XIAP: variants seen among roughly 807,000 people sequenced by gnomAD.
The protein encoded by XIAP is E3 ubiquitin-protein ligase XIAP.
A neutral mutation model predicts 33.1 loss-of-function variants in XIAP; 3 were observed. That is an observed-to-expected ratio of 0.09 (90% CI 0.04 to 0.23). The LOEUF (loss-of-function observed/expected upper bound fraction) is 0.23. Ranked by LOEUF, XIAP falls within the 10% of genes least tolerant of loss-of-function variation. XIAP has a pLI of 1.00. For synonymous variants in XIAP, 98 were observed against 121.3 expected (o/e 0.81, Z 1.26); for missense variants, 264 against 363.0 (o/e 0.73, Z 2.22).
At chrX:123,890,481 T>G in intron 3 of XIAP, among the ~76,000 whole-genome samples, 1 of 103,591 alleles carries the variant, frequency 9.7e-6, no homozygotes, top group Non-Finnish European at 2.0e-5. Context: ...AAAAAAAAAA[T>G]TAGCCAGTCA....
Position 123,911,040 on chromosome X carries a change from C to CT in XIAP, c.*3860dup, listed in dbSNP as rs1444542606. ...GGAGACCATGTATGTAAAGTTCCTG[C>CT]TGTAAATATGAACTCCCATCCTAAT... On this transcript the variant is annotated 3_prime_UTR_variant, in exon 7 of 7. Transcript: ENST00000371199. The CT allele has an allele frequency of 6.1e-6, 2 of 326,664 alleles. No individual in the cohort carries two copies. The highest frequency in any genetic ancestry group is 1.2e-5 in the Non-Finnish European group (2 of 169,541). 26.9% of individuals were successfully genotyped at this position (326,664 alleles called of 1,213,427 possible). A position where few individuals can be genotyped will look rare whatever the true frequency, so the allele number is the denominator to read the frequency against.
chrX:123,895,159 C>A (rs1251265147), intron 5 of XIAP, among the ~76,000 whole-genome samples: 3 of 111,069 alleles, frequency 2.7e-5, no homozygotes, highest in African/African-American at 9.8e-5. Flanking sequence ...ACCCCTAGGC[C>A]AGGGCAACCA....
Position 123,909,031 on chromosome X carries a change from T to TA in XIAP, c.*1851dup. 3.4e-6 allele frequency: 1 copy of TA among 295,614 alleles called. No individual in the cohort carries two copies. Among genetic ancestry groups the TA allele is most frequent in the Non-Finnish European group, 6.3e-6 (1 of 158,880 alleles). 24.4% of individuals were successfully genotyped at this position (295,614 alleles called of 1,213,427 possible). A position where few individuals can be genotyped will look rare whatever the true frequency, so the allele number is the denominator to read the frequency against. On this transcript the variant is annotated 3_prime_UTR_variant, in exon 7 of 7. Coordinates refer to ENST00000371199, the MANE Select transcript of XIAP (RefSeq NM_001167.4). ...TAAAACATTGCAAATTTATTTTATTTATTTAATTTTCTTTTTGAGATGGAG... is the reference window on the plus strand; with the variant it reads ...TAAAACATTGCAAATTTATTTTATTTAATTTAATTTTCTTTTTGAGATGGAG...
intron 1 of XIAP, among the ~76,000 whole-genome samples, chrX:123,877,963 G>A (rs1245681736): frequency 3.3e-5 from 3 of 91,977 alleles, no homozygotes; most frequent in African/African-American, 1.3e-4. Context: ...GCGAGACTCC[G>A]TCTCAAAGAA....
At chrX:123,894,270 A>C (rs1336931804) in intron 5 of XIAP, among the ~76,000 whole-genome samples, 1 of 112,595 alleles carries the variant, frequency 8.9e-6, no homozygotes. Flanking sequence ...AGAAAGAGTC[A>C]GAGAGGTTAA....
chrX:123,871,655 T>G (rs5956580), intron 1 of XIAP, among the ~76,000 whole-genome samples: 41,987 of 108,548 alleles, frequency 0.39, 6,218 homozygotes, highest in African/African-American at 0.49. Context: ...TTTTTTGGGG[T>G]TTTTTTTGTT....
At chrX:123,874,306 G>A (rs1489141538) in intron 1 of XIAP, among the ~76,000 whole-genome samples, 3 of 111,825 alleles carry the variant, frequency 2.7e-5, no homozygotes, top group Admixed American at 9.6e-5. Flanking sequence ...TAAGAAAAGC[G>A]CAAAGAAAAT....
rs397713705 is a variant in XIAP, at chrX:123,911,477, C to CAAAA, written c.*4306_*4309dup. ...GGGCAACAAGAGCAAAACTCTGTCT[C>CAAAA]AAAAAAAAAAAAAGATATAAATCAC... On this transcript the variant is annotated 3_prime_UTR_variant, in exon 7 of 7. Transcript: ENST00000371199. 725 of 258,382 alleles carry CAAAA rather than the reference C, an allele frequency of 2.8e-3. No individual in the cohort carries two copies. The highest frequency in any genetic ancestry group is 5.9e-3 in the East Asian group (51 of 8,712). The allele number at this position is 258,382 out of a possible 1,213,427, so 21.3% of individuals were successfully genotyped here.
intron 5 of XIAP, among the ~76,000 whole-genome samples, chrX:123,898,601 G>A (rs963038279): frequency 4.6e-5 from 5 of 108,978 alleles, no homozygotes; most frequent in South Asian, 3.9e-4. Context: ...CGATCTGCCC[G>A]TCTTAGCCTC....
intron 1 of XIAP, among the ~76,000 whole-genome samples, chrX:123,872,313 AGTCCTTTTTTTTTTTTC>A (rs745589528): frequency 3.0e-3 from 326 of 108,238 alleles, no homozygotes; most frequent in African/African-American, 0.01. Context: ...TTCCACAAGA[AGTCCTTTTTTTTTTTTC>A]GTCCTTTTTT....
chrX:123,901,443 C>T (rs992440101), intron 6 of XIAP, among the ~76,000 whole-genome samples: 5 of 111,509 alleles, frequency 4.5e-5, no homozygotes, highest in African/African-American at 9.8e-5. Flanking sequence ...CCAACAACAT[C>T]GAAGGTTAAA....
chrX:123,910,151 T>C lies in XIAP; in HGVS notation c.*2970T>C, dbSNP rs753143693. Reference sequence around the variant, plus strand: ...TGATCAAAAGCATTGTCTTAATTTTTGAGAACTGGTTTTAGCATTTACAAA... The same window carrying C: ...TGATCAAAAGCATTGTCTTAATTTTCGAGAACTGGTTTTAGCATTTACAAA... On this transcript the variant is annotated 3_prime_UTR_variant, in exon 7 of 7. Transcript: ENST00000371199. The C allele has an allele frequency of 3.1e-6, 1 of 325,547 alleles. No homozygotes were observed. The highest frequency in any genetic ancestry group is 2.7e-5 in the African/African-American group (1 of 37,640). The allele number at this position is 325,547 out of a possible 1,213,427, so 26.8% of individuals were successfully genotyped here. A position where few individuals can be genotyped will look rare whatever the true frequency, so the allele number is the denominator to read the frequency against.
chrX:123,889,618 A>G (rs1440892290), intron 3 of XIAP, among the ~76,000 whole-genome samples: 1 of 107,694 alleles, frequency 9.3e-6, no homozygotes, highest in African/African-American at 3.4e-5. Flanking sequence ...CCTGGGTTCA[A>G]GTGATTCTCC....
At chrX:123,900,208 G>A (rs1308158379) in intron 5 of XIAP, among the ~76,000 whole-genome samples, 1 of 111,654 alleles carries the variant, frequency 9.0e-6, no homozygotes, top group Non-Finnish European at 1.9e-5. Flanking sequence ...TCAGATTTTT[G>A]AAGCACTTAA....
intron 3 of XIAP, among the ~76,000 whole-genome samples, chrX:123,890,217 C>T (rs1387165037): frequency 2.9e-5 from 3 of 101,779 alleles, no homozygotes; most frequent in African/African-American, 7.1e-5. Flanking sequence ...GGGGTTTCAC[C>T]GTGTTAGCCA....
chrX:123,872,325 T>G (rs1313013258), intron 1 of XIAP, among the ~76,000 whole-genome samples: 1 of 108,935 alleles, frequency 9.2e-6, no homozygotes, highest in Non-Finnish European at 1.9e-5. Context: ...TCCTTTTTTT[T>G]TTTTCGTCCT....
chrX:123,899,302 T>TAC (rs1336117628), intron 5 of XIAP, among the ~76,000 whole-genome samples: 4 of 100,362 alleles, frequency 4.0e-5, no homozygotes, highest in Non-Finnish European at 6.0e-5. Context: ...TGTATATATA[T>TAC]ACACACGCAC....
At chrX:123,880,606 G>A (rs770314553) in intron 1 of XIAP, among the ~76,000 whole-genome samples, 24 of 106,611 alleles carry the variant, frequency 2.3e-4, no homozygotes, top group Admixed American at 1.1e-3. Context: ...GCGTGGTGGC[G>A]GGCGCCTGTA....
chrX:123,904,583 A>C (rs980591088), intron 6 of XIAP, among the ~76,000 whole-genome samples: 3 of 107,219 alleles, frequency 2.8e-5, no homozygotes, highest in Non-Finnish European at 5.8e-5. Flanking sequence ...CTTCTTATCT[A>C]CTCCTGGTGC....
Sources: gnomAD v4.1 joint callset for allele counts (sites outside exome capture counted in the v4.1 genomes callset) on GRCh38, gnomAD v4.1.1 for gene constraint, MANE v1.5 for transcripts, NCBI Gene and HGNC (gene_info 2026-07-23, HGNC 2026-07-21) for gene names.